The following ELF5 variants were observed in gnomAD, a reference collection of about 807,000 sequenced individuals.
The protein encoded by ELF5 is E74 like ETS transcription factor 5.
ELF5 carries 31 observed loss-of-function variants against 38.2 expected under a neutral mutation model. The observed-to-expected ratio is 0.81, with a 90% CI of 0.61 to 1.10. The LOEUF (loss-of-function observed/expected upper bound fraction) is 1.10. Ranked by LOEUF, ELF5 falls within the 50% of genes least tolerant of loss-of-function variation. The pLI is 0.00. For missense variants in ELF5, 300 were observed against 306.6 expected (o/e 0.98, Z 0.16); for synonymous variants, 121 against 112.5 (o/e 1.08, Z -0.48).
intron 1 of ELF5, among the ~76,000 whole-genome samples, chr11:34,507,284 T>C (rs897917394): frequency 6.6e-6 from 1 of 152,218 alleles, no homozygotes; most frequent in Non-Finnish European, 1.5e-5. Context: ...ACTTTGGGCT[T>C]CATGCTGAGT....
intron 2 of ELF5, among the ~76,000 whole-genome samples, chr11:34,497,471 G>T (rs1264174706): frequency 6.6e-6 from 1 of 152,130 alleles, no homozygotes; most frequent in African/African-American, 2.4e-5. Context: ...TGAACTAGAG[G>T]GAGTTTTCAG....
At chr11:34,480,696 CAG>C (rs1357278942) in intron 6 of ELF5, 74 bp downstream of exon 6, 2 of 1,500,188 alleles carry the variant, frequency 1.3e-6, no homozygotes, top group African/African-American at 1.4e-5. Context: ...CCTGCAAAAA[CAG>C]TGTAATTTTC....
chr11:34,490,764 T>A (rs1271643923), intron 3 of ELF5, among the ~76,000 whole-genome samples: 1 of 152,192 alleles, frequency 6.6e-6, no homozygotes, highest in Non-Finnish European at 1.5e-5. Flanking sequence ...ACACGAGGAC[T>A]AATCTCTACT....
intron 1 of ELF5, chr11:34,511,485 C>G: frequency 6.2e-7 from 1 of 1,611,544 alleles, no homozygotes; most frequent in East Asian, 2.2e-5. Flanking sequence ...GAATGATTAA[C>G]ACAAGGTGGT....
chr11:34,480,797 A>G lies in ELF5; in HGVS notation c.646T>C (p.Tyr216His). The stretch of plus-strand genomic sequence containing the variant: ...CTCAGGGCTCTGCTCAACTTTTCAT[A>G]TGTCATTCTGTCATTTTTCTTCCTT... ...GQRKKNDRMTYEKLSRALRYY... is the reference protein window; with the variant it reads ...GQRKKNDRMTHEKLSRALRYY... The change falls in exon 6 of 7, where the codon TAT (tyrosine) becomes CAT (histidine). Residue 216 changes from tyrosine (Y) to histidine (H), a missense_variant. Physicochemically the swap from Tyr to His is moderately conservative, Grantham distance 83. Transcript: ENST00000257832. The G allele has an allele frequency of 1.9e-6, 3 of 1,613,978 alleles. No individual in the cohort carries two copies. Among genetic ancestry groups the G allele is most frequent in the Non-Finnish European group, 2.5e-6 (3 of 1,179,980 alleles).
intron 2 of ELF5, among the ~76,000 whole-genome samples, chr11:34,494,603 T>C (rs4756154): frequency 0.59 from 89,869 of 151,988 alleles, 27,099 homozygotes; most frequent in Non-Finnish European, 0.65. Context: ...GCATGTGGCT[T>C]TGCCTGGCCC....
intron 1 of ELF5, among the ~76,000 whole-genome samples, chr11:34,506,410 G>A (rs1850614809): frequency 6.6e-6 from 1 of 152,158 alleles, no homozygotes; most frequent in Admixed American, 6.5e-5. Context: ...TGTGTGATGA[G>A]ATCAATAGCA....
At chr11:34,512,723 G>A (rs1275094893) in intron 1 of ELF5, among the ~76,000 whole-genome samples, 1 of 152,054 alleles carries the variant, frequency 6.6e-6, no homozygotes, top group African/African-American at 2.4e-5. Flanking sequence ...TCTGAAAAAG[G>A]GAGATGACCA....
chr11:34,494,045 C>T (rs1564979813), intron 2 of ELF5, among the ~76,000 whole-genome samples: 1 of 152,158 alleles, frequency 6.6e-6, no homozygotes, highest in Non-Finnish European at 1.5e-5. Flanking sequence ...AACATGATAT[C>T]AAAAGCACAA....
At chr11:34,501,015 T>C (rs1036211067) in intron 2 of ELF5, among the ~76,000 whole-genome samples, 4 of 152,214 alleles carry the variant, frequency 2.6e-5, no homozygotes, top group Non-Finnish European at 5.9e-5. Context: ...CCTAACACAA[T>C]GCTATGAAGT....
At chr11:34,480,688 T>A in intron 6 of ELF5, 84 bp downstream of exon 6, 1 of 1,474,754 alleles carries the variant, frequency 6.8e-7, no homozygotes. Flanking sequence ...GTAAAAAACC[T>A]GCAAAAACAG....
intron 3 of ELF5, chr11:34,493,082 T>C: frequency 3.1e-6 from 1 of 318,132 alleles, no homozygotes; most frequent in Non-Finnish European, 5.8e-6. Flanking sequence ...GTTGGACTCC[T>C]GTAGAAAAGG....
intron 3 of ELF5, chr11:34,492,094 T>C (rs1348484708): frequency 2.0e-5 from 3 of 152,228 alleles, no homozygotes; most frequent in African/African-American, 7.2e-5. Context: ...GCCTGTTCCC[T>C]TGGGAGGATC....
Position 34,480,059 on chromosome 11 carries a change from ACT to A in ELF5, c.*157_*158del, listed in dbSNP as rs2133866804. ...CTGCTCTCACCCTCCATAGACAACA[ACT>A]CTGAATCCAAATGTAAGCTGAGATG... On this transcript the variant is annotated 3_prime_UTR_variant, in exon 7 of 7. Transcript: ENST00000257832. The A allele has an allele frequency of 1.6e-6, 1 of 640,698 alleles. No individual in the cohort carries two copies. Among genetic ancestry groups the A allele is most frequent in the South Asian group, 2.0e-5 (1 of 49,942 alleles). 39.7% of individuals were successfully genotyped at this position (640,698 alleles called of 1,614,324 possible).
chr11:34,509,128 G>A (rs1181809319), intron 1 of ELF5, among the ~76,000 whole-genome samples: 3 of 152,096 alleles, frequency 2.0e-5, no homozygotes, highest in Admixed American at 6.5e-5. Flanking sequence ...TCAGGAGTTC[G>A]AGACCAGCCT....
At chr11:34,483,660 T>A (rs1410133753) in intron 4 of ELF5, among the ~76,000 whole-genome samples, 1 of 152,020 alleles carries the variant, frequency 6.6e-6, no homozygotes. Flanking sequence ...GTACTAACTA[T>A]ACTGTACTGT....
chr11:34,508,505 A>AAAAAAAT (rs578086176), intron 1 of ELF5, among the ~76,000 whole-genome samples: 51 of 152,196 alleles, frequency 3.4e-4, no homozygotes, highest in African/African-American at 5.1e-4. Flanking sequence ...TATGTCTCAC[A>AAAAAAAT]AAAAAATAAA....
chr11:34,489,211 G>T (rs1417466093), intron 4 of ELF5, among the ~76,000 whole-genome samples: 2 of 152,228 alleles, frequency 1.3e-5, no homozygotes, highest in Non-Finnish European at 2.9e-5. Flanking sequence ...TCCAAGTAAC[G>T]TGAGTCCTCA....
At chr11:34,512,572 C>G (rs1850788246) in intron 1 of ELF5, among the ~76,000 whole-genome samples, 1 of 120,860 alleles carries the variant, frequency 8.3e-6, no homozygotes, top group Non-Finnish European at 1.7e-5. Flanking sequence ...TTCCTCATCT[C>G]TAAAATGGGG....
Sources: gnomAD v4.1 joint callset for allele counts (sites outside exome capture counted in the v4.1 genomes callset) on GRCh38, gnomAD v4.1.1 for gene constraint, MANE v1.5 for transcripts, NCBI Gene and HGNC (gene_info 2026-07-23, HGNC 2026-07-21) for gene names.